ATRN: variants seen among roughly 807,000 people sequenced by gnomAD.
ATRN encodes the protein attractin.
ATRN carries 54 observed loss-of-function variants against 178.7 expected under a neutral mutation model. The observed-to-expected ratio is 0.30, with a 90% confidence interval of 0.24 to 0.38. ATRN has a LOEUF of 0.38. ATRN is among the 10% of genes least tolerant of loss of function. The pLI is 1.00. For missense variants in ATRN, 1,443 were observed against 1,815.1 expected, an observed-to-expected ratio of 0.79 and a Z score of 3.73; for synonymous variants, 636 against 663.0, an observed-to-expected ratio of 0.96 and a Z score of 0.63.
At chr20:3,580,814 A>G (rs2086273339) in intron 15 of ATRN, among the ~76,000 whole-genome samples, 1 of 152,194 alleles carries the variant, frequency 6.6e-6, no homozygotes, top group Admixed American at 6.5e-5. Flanking sequence ...CTACAATAGT[A>G]ATGGATTTGA....
chr20:3,579,929 GC>G, intron 15 of ATRN, among the ~76,000 whole-genome samples: 1 of 152,120 alleles, frequency 6.6e-6, no homozygotes. Flanking sequence ...GGTAGGAGGT[GC>G]CCTGTATTTA....
chr20:3,547,895 C>T (rs569396223), intron 5 of ATRN, among the ~76,000 whole-genome samples: 72 of 145,040 alleles, frequency 5.0e-4, no homozygotes, highest in African/African-American at 1.7e-3. Flanking sequence ...TAGTTATCTA[C>T]AGAAATAATT....
At chr20:3,531,669 T>C (rs1256908566) in intron 1 of ATRN, among the ~76,000 whole-genome samples, 1 of 152,110 alleles carries the variant, frequency 6.6e-6, no homozygotes, top group African/African-American at 2.4e-5. Context: ...AACCAAAAAA[T>C]AATTTAAGAG....
intron 1 of ATRN, among the ~76,000 whole-genome samples, chr20:3,484,473 A>G (rs1421242315): frequency 6.6e-6 from 1 of 152,126 alleles, no homozygotes; most frequent in Non-Finnish European, 1.5e-5. Context: ...ATGATTTGTT[A>G]TATTGACCTA....
intron 24 of ATRN, among the ~76,000 whole-genome samples, chr20:3,612,732 TTTAAG>T (rs1379872098): frequency 6.6e-6 from 1 of 152,204 alleles, no homozygotes; most frequent in East Asian, 1.9e-4. Flanking sequence ...ATTTACTCAT[TTTAAG>T]TTGAGATTGT....
intron 1 of ATRN, among the ~76,000 whole-genome samples, chr20:3,492,299 G>T (rs1399243961): frequency 6.6e-6 from 1 of 151,838 alleles, no homozygotes; most frequent in Non-Finnish European, 1.5e-5. Context: ...ATGAGAATTG[G>T]CTTCGCAGGT....
At chr20:3,608,389 TGAGA>T (rs2086707427) in intron 24 of ATRN, among the ~76,000 whole-genome samples, 1 of 152,184 alleles carries the variant, frequency 6.6e-6, no homozygotes, top group South Asian at 2.1e-4. Context: ...TTGTATGTGG[TGAGA>T]GAGAGGGGCC....
chr20:3,630,455 C>T (rs1232647366), intron 25 of ATRN, among the ~76,000 whole-genome samples: 2 of 152,006 alleles, frequency 1.3e-5, no homozygotes, highest in Admixed American at 1.3e-4. Flanking sequence ...GAGGAGGAAC[C>T]ATAGGCACCA....
chr20:3,577,857 G>A (rs147353437), intron 14 of ATRN, among the ~76,000 whole-genome samples: 1 of 152,240 alleles, frequency 6.6e-6, no homozygotes, highest in East Asian at 1.9e-4. Flanking sequence ...TCTTTCCCAT[G>A]GTACCTTTCT....
At chr20:3,621,446 C>T (rs1019253438) in intron 24 of ATRN, among the ~76,000 whole-genome samples, 5 of 152,098 alleles carry the variant, frequency 3.3e-5, no homozygotes, top group Admixed American at 6.5e-5. Flanking sequence ...ATGAACACAT[C>T]CAGAAGGCCC....
At chr20:3,606,950 T>A (rs530481565) in intron 24 of ATRN, among the ~76,000 whole-genome samples, 21 of 152,330 alleles carry the variant, frequency 1.4e-4, no homozygotes, top group African/African-American at 4.8e-4. Context: ...TCCTGTAAAA[T>A]CATTTGATCC....
At chr20:3,507,636 T>C (rs1392393462) in intron 1 of ATRN, among the ~76,000 whole-genome samples, 1 of 150,936 alleles carries the variant, frequency 6.6e-6, no homozygotes, top group Admixed American at 6.6e-5. Flanking sequence ...CCAAACAGGA[T>C]GAGGAAGGAA....
chr20:3,566,160 A>T (rs1163635896), intron 11 of ATRN, among the ~76,000 whole-genome samples: 1 of 152,156 alleles, frequency 6.6e-6, no homozygotes, highest in African/African-American at 2.4e-5. Flanking sequence ...GGCACTTCAG[A>T]TGGGGGGATA....
intron 17 of ATRN, 139 bp from the exon 18 acceptor site, chr20:3,584,508 A>T: frequency 1.5e-6 from 1 of 687,432 alleles, no homozygotes; most frequent in Non-Finnish European, 2.4e-6. Flanking sequence ...GGCTCTTTAC[A>T]TTCATTATCT....
At chr20:3,618,756 G>T (rs897422182) in intron 24 of ATRN, among the ~76,000 whole-genome samples, 8 of 152,234 alleles carry the variant, frequency 5.3e-5, no homozygotes, top group African/African-American at 1.9e-4. Flanking sequence ...TGCGTGGTGT[G>T]TGAGGCCGGG....
At chr20:3,629,790 A>G (rs529189225) in intron 25 of ATRN, among the ~76,000 whole-genome samples, 7 of 152,352 alleles carry the variant, frequency 4.6e-5, no homozygotes, top group Non-Finnish European at 8.8e-5. Context: ...TATACAGGGT[A>G]CAACTCAGGA....
intron 6 of ATRN, among the ~76,000 whole-genome samples, chr20:3,555,361 G>A (rs1050999056): frequency 2.0e-5 from 3 of 152,080 alleles, no homozygotes; most frequent in African/African-American, 4.8e-5. Context: ...GATAATTCTC[G>A]GTGATAGCCC....
At chr20:3,482,278 A>C (rs1353430851) in intron 1 of ATRN, among the ~76,000 whole-genome samples, 2 of 152,076 alleles carry the variant, frequency 1.3e-5, no homozygotes, top group African/African-American at 4.8e-5. Flanking sequence ...TAGACAAAAA[A>C]AAAAGACATT....
intron 9 of ATRN, 138 bp from the exon 10 acceptor site, chr20:3,563,071 T>C: frequency 1.4e-6 from 1 of 738,052 alleles, no homozygotes; most frequent in Non-Finnish European, 2.0e-6. Context: ...AAAAACTTAC[T>C]TTTATGTAGG....
Sources: allele counts gnomAD v4.1 joint callset (sites outside exome capture counted in the v4.1 genomes callset), GRCh38; gene constraint gnomAD v4.1.1; transcripts MANE v1.5; gene names NCBI Gene and HGNC (gene_info 2026-07-23, HGNC 2026-07-21).